OLFM2: variants seen among roughly 807,000 people sequenced by gnomAD.
OLFM2 encodes the protein olfactomedin 2.
In OLFM2, 20 loss-of-function variants were observed where a neutral mutation model predicts 43.9. The observed-to-expected ratio is 0.46, with a 90% confidence interval of 0.32 to 0.66. The LOEUF is 0.66. Among genes scored for constraint, OLFM2 ranks in the 30% least tolerant of loss-of-function variants. The pLI is 0.04. For missense variants in OLFM2, 416 were observed against 643.6 expected (o/e 0.65, Z 3.83); for synonymous variants, 268 against 278.6 (o/e 0.96, Z 0.38).
intron 1 of OLFM2, among the ~76,000 whole-genome samples, chr19:9,865,966 A>AT (rs1328637239): frequency 6.6e-6 from 1 of 152,168 alleles, no homozygotes; most frequent in East Asian, 1.9e-4. Flanking sequence ...GTTCAACGTA[A>AT]TTAACATCTT....
At position 9,936,241 on chromosome 19, in the gene OLFM2, C is replaced by T. The variant is rs1336184120; in HGVS notation, c.63+63G>A. 4.9e-5 allele frequency: 73 copies of T among 1,500,818 alleles called. No individual in the cohort carries two copies. The East Asian group carries it at 1.8e-3, about 36-fold the overall frequency. 93.0% of individuals were successfully genotyped at this position (1,500,818 alleles called of 1,614,324 possible). A position where few individuals can be genotyped will look rare whatever the true frequency, so the allele number is the denominator to read the frequency against. ...CCTCCCAACCCCGTTTCTCCGGGAA[C>T]CCTCCGCGCCCCCCTCCTCTCCCGG... On this transcript the variant is annotated intron_variant, in intron 1 of 5. Coordinates refer to ENST00000264833, the MANE Select transcript of OLFM2 (RefSeq NM_058164.4).
chr19:9,855,013 G>A (rs1197303887), intron 5 of OLFM2, 150 bp from the exon 6 acceptor site: 1 of 633,058 alleles, frequency 1.6e-6, no homozygotes. Flanking sequence ...TATGGCCCTA[G>A]TGTGACCATG....
Position 9,857,401 on chromosome 19 carries a change from G to T in OLFM2, c.442C>A (p.Arg148Ser). 6.2e-7 allele frequency: 1 copy of T among 1,614,048 alleles called. No homozygotes were observed. The highest frequency in any genetic ancestry group is 8.5e-7 in the Non-Finnish European group (1 of 1,180,012). The part of the protein sequence containing the change: ...QYKADTRTIV[R>S]LREEVRNLSG... ...AGATTCCTCACCTCCTCCCGCAAGC[G>T]TACAATGGTCCGCGTGTCTGCCTTG... The change falls in exon 4 of 6, where the codon CGC (arginine) becomes AGC (serine). Residue 148 changes from arginine to serine, a missense_variant. Coordinates refer to ENST00000264833, the MANE Select transcript of OLFM2 (RefSeq NM_058164.4). This position sits in a 1 kb window ranked among gnomAD's most constrained non-coding sequence, Gnocchi z 5.7.
chr19:9,908,945 A>G (rs148869217), intron 1 of OLFM2, among the ~76,000 whole-genome samples: 2 of 152,040 alleles, frequency 1.3e-5, no homozygotes, highest in African/African-American at 4.8e-5. Context: ...GCCTCAAGCA[A>G]TCTTCCCACC....
At chr19:9,916,999 G>T (rs543573754) in intron 1 of OLFM2, among the ~76,000 whole-genome samples, 1 of 152,148 alleles carries the variant, frequency 6.6e-6, no homozygotes, top group South Asian at 2.1e-4. Flanking sequence ...CTAAAACTCT[G>T]TATCTTTCAG....
At chr19:9,898,730 T>C (rs2046707083) in intron 1 of OLFM2, among the ~76,000 whole-genome samples, 1 of 152,132 alleles carries the variant, frequency 6.6e-6, no homozygotes, top group South Asian at 2.1e-4. Context: ...GCCATTTCTG[T>C]GTTCCTCTCT....
At chr19:9,913,813 G>A (rs1238398319) in intron 1 of OLFM2, 1 of 397,564 alleles carries the variant, frequency 2.5e-6, no homozygotes. Flanking sequence ...GGCGCGCCTG[G>A]CGGGCTCCTC....
intron 1 of OLFM2, among the ~76,000 whole-genome samples, chr19:9,918,411 C>T (rs73500982): frequency 0.038 from 5,729 of 151,896 alleles, 348 homozygotes; most frequent in African/African-American, 0.13. Context: ...GGGCTGGTCT[C>T]AAACTCTTGG....
intron 1 of OLFM2, among the ~76,000 whole-genome samples, chr19:9,908,557 C>A (rs887508769): frequency 1.2e-4 from 18 of 144,108 alleles, no homozygotes; most frequent in Non-Finnish European, 2.7e-4. Context: ...CGGCTCACTG[C>A]GAGCTCCACC....
At chr19:9,913,565 A>G in intron 1 of OLFM2, 1 of 1,264,980 alleles carries the variant, frequency 7.9e-7, no homozygotes, top group South Asian at 2.2e-5. Context: ...CCAGTTGGTG[A>G]CCATGGCCAT....
chr19:9,913,540 C>T, intron 1 of OLFM2: 1 of 1,222,758 alleles, frequency 8.2e-7, no homozygotes, highest in South Asian at 2.7e-5. Context: ...CGAGCGAGGG[C>T]AGCGTCTGCG....
chr19:9,895,784 C>T (rs974324994), intron 1 of OLFM2, among the ~76,000 whole-genome samples: 2 of 152,022 alleles, frequency 1.3e-5, no homozygotes, highest in Non-Finnish European at 2.9e-5. Context: ...TACAGGCCCA[C>T]GCCACCACAC....
At chr19:9,933,826 G>C (rs536031284) in intron 1 of OLFM2, among the ~76,000 whole-genome samples, 1 of 152,138 alleles carries the variant, frequency 6.6e-6, no homozygotes, top group Non-Finnish European at 1.5e-5. Context: ...CAAAATGCTG[G>C]GATTACAGGC....
At chr19:9,909,697 T>C (rs1472357954) in intron 1 of OLFM2, among the ~76,000 whole-genome samples, 2 of 152,192 alleles carry the variant, frequency 1.3e-5, no homozygotes, top group Admixed American at 6.6e-5. Context: ...GACGTTGGGG[T>C]GCTAAACCTT....
intron 1 of OLFM2, among the ~76,000 whole-genome samples, chr19:9,862,691 C>A (rs2046372863): frequency 2.0e-5 from 3 of 150,878 alleles, no homozygotes. Context: ...TTAAAAAAAA[C>A]AGGCCAGACG....
chr19:9,862,083 G>A (rs1048993028), intron 1 of OLFM2, among the ~76,000 whole-genome samples: 1 of 152,066 alleles, frequency 6.6e-6, no homozygotes, highest in African/African-American at 2.4e-5. Context: ...CCAGGCATAG[G>A]GTCTGGGATA....
At chr19:9,923,521 C>T (rs769936806) in intron 1 of OLFM2, among the ~76,000 whole-genome samples, 2 of 141,754 alleles carry the variant, frequency 1.4e-5, no homozygotes, top group Non-Finnish European at 3.0e-5. Flanking sequence ...ATCGCCACTG[C>T]ACTCCAGCCT....
intron 1 of OLFM2, among the ~76,000 whole-genome samples, chr19:9,898,154 AC>A (rs2046702974): frequency 6.9e-6 from 1 of 145,854 alleles, no homozygotes; most frequent in African/African-American, 2.5e-5. Context: ...CAGGTGATAC[AC>A]CCACCTCGGC....
chr19:9,893,046 C>T (rs770603297), intron 1 of OLFM2, among the ~76,000 whole-genome samples: 8 of 152,192 alleles, frequency 5.3e-5, no homozygotes, highest in Non-Finnish European at 7.3e-5. Context: ...TGGCCCTCTT[C>T]ATCTCTTAGA....
Sources: allele counts gnomAD v4.1 joint callset (sites outside exome capture counted in the v4.1 genomes callset), GRCh38; gene constraint gnomAD v4.1.1; non-coding constraint Gnocchi (gnomAD v3.1); transcripts MANE v1.5; gene names NCBI Gene and HGNC (gene_info 2026-07-23, HGNC 2026-07-21).